The following OXR1 variants were observed in gnomAD, a reference collection of about 807,000 sequenced individuals.
OXR1 encodes oxidation resistance protein 1.
OXR1 carries 41 observed loss-of-function variants against 104.6 expected under a neutral mutation model. That is an observed-to-expected ratio of 0.39 (90% CI 0.31 to 0.51). The LOEUF (loss-of-function observed/expected upper bound fraction) is 0.51. Ranked by LOEUF, OXR1 falls within the 20% of genes least tolerant of loss-of-function variation. The pLI is 0.77. For synonymous variants in OXR1, 348 were observed against 348.4 expected (o/e 1.00, Z 0.01); for missense variants, 955 against 1,031.9 (o/e 0.93, Z 1.02).
intron 3 of OXR1, among the ~76,000 whole-genome samples, chr8:106,559,880 A>G (rs1816554250): frequency 6.6e-6 from 1 of 152,178 alleles, no homozygotes. Flanking sequence ...GGGCACAGAG[A>G]GATGGGTAGC....
At chr8:106,719,712 T>C (rs959184220) in intron 11 of OXR1, among the ~76,000 whole-genome samples, 1 of 152,234 alleles carries the variant, frequency 6.6e-6, no homozygotes, top group Non-Finnish European at 1.5e-5. Context: ...GTTAACATGT[T>C]ATTCTACCAC....
intron 2 of OXR1, among the ~76,000 whole-genome samples, chr8:106,451,996 A>G (rs1820338526): frequency 6.6e-6 from 1 of 152,140 alleles, no homozygotes; most frequent in South Asian, 2.1e-4. Flanking sequence ...GCGGGAGCAT[A>G]TTTGACTAAA....
At chr8:106,618,247 C>A in intron 3 of OXR1, 1 of 1,215,326 alleles carries the variant, frequency 8.2e-7, no homozygotes, top group Non-Finnish European at 1.2e-6. Context: ...ATACAGCGGA[C>A]ATTAAAGGGC....
chr8:106,380,549 A>G (rs1209672539), intron 2 of OXR1, among the ~76,000 whole-genome samples: 3 of 152,176 alleles, frequency 2.0e-5, no homozygotes, highest in Non-Finnish European at 4.4e-5. Context: ...CTTCCAATCT[A>G]TTTTATAAAG....
At chr8:106,634,228 A>G (rs980591695) in intron 3 of OXR1, among the ~76,000 whole-genome samples, 3 of 152,212 alleles carry the variant, frequency 2.0e-5, no homozygotes, top group Non-Finnish European at 4.4e-5. Context: ...AAATCCTCCA[A>G]AAACTAACAA....
At chr8:106,745,291 A>C (rs942815856) in intron 15 of OXR1, among the ~76,000 whole-genome samples, 1 of 152,234 alleles carries the variant, frequency 6.6e-6, no homozygotes, top group African/African-American at 2.4e-5. Context: ...GTTTAAAGAA[A>C]TTGAAACTGA....
At chr8:106,551,589 G>A (rs1195199116) in intron 3 of OXR1, among the ~76,000 whole-genome samples, 2 of 151,878 alleles carry the variant, frequency 1.3e-5, no homozygotes, top group Admixed American at 6.6e-5. Context: ...GAGGATGAGA[G>A]GGACTTCCTG....
chr8:106,698,498 C>A (rs1284905748), intron 7 of OXR1, among the ~76,000 whole-genome samples: 2 of 152,116 alleles, frequency 1.3e-5, no homozygotes, highest in Non-Finnish European at 2.9e-5. Context: ...TCCTCTCTTT[C>A]CTCTTCTTTG....
chr8:106,278,952 G>A (rs1466992546), intron 1 of OXR1, among the ~76,000 whole-genome samples: 1 of 152,106 alleles, frequency 6.6e-6, no homozygotes, highest in African/African-American at 2.4e-5. Flanking sequence ...TCCATATGTA[G>A]TTTCCAACAT....
chr8:106,742,949 G>A (rs1235380729), intron 15 of OXR1, among the ~76,000 whole-genome samples: 1 of 152,042 alleles, frequency 6.6e-6, no homozygotes, highest in East Asian at 1.9e-4. Flanking sequence ...TTGGCAAATG[G>A]GATCTAATTA....
chr8:106,271,270 C>T (rs1028004390), intron 1 of OXR1, among the ~76,000 whole-genome samples: 3 of 146,116 alleles, frequency 2.1e-5, no homozygotes, highest in Non-Finnish European at 4.4e-5. Flanking sequence ...CTTGGACGCA[C>T]CTCGGCTCGC....
At chr8:106,656,532 A>G (rs1825101190) in intron 3 of OXR1, among the ~76,000 whole-genome samples, 1 of 152,238 alleles carries the variant, frequency 6.6e-6, no homozygotes, top group Admixed American at 6.5e-5. Context: ...AAGCACAAAC[A>G]TTCCGTCCAC....
chr8:106,297,601 G>A (rs1028609490), intron 1 of OXR1, among the ~76,000 whole-genome samples: 1 of 152,136 alleles, frequency 6.6e-6, no homozygotes, highest in African/African-American at 2.4e-5. Context: ...CATAGAAAAG[G>A]TATAGTAAAA....
intron 2 of OXR1, among the ~76,000 whole-genome samples, chr8:106,509,281 A>C (rs1436769700): frequency 1.3e-5 from 2 of 152,328 alleles, no homozygotes; most frequent in Non-Finnish European, 2.9e-5. Flanking sequence ...TTTCCAGTTG[A>C]AAGACTTTGA....
chr8:106,474,758 C>G (rs1821711909), intron 2 of OXR1, among the ~76,000 whole-genome samples: 1 of 151,886 alleles, frequency 6.6e-6, no homozygotes, highest in Non-Finnish European at 1.5e-5. Flanking sequence ...AAAGCTTTTC[C>G]AACCCTTGAG....
chr8:106,348,490 T>C (rs1210711946), intron 1 of OXR1, among the ~76,000 whole-genome samples: 1 of 152,184 alleles, frequency 6.6e-6, no homozygotes, highest in Admixed American at 6.5e-5. Context: ...TTTTAAAAAA[T>C]TTAATCTGCT....
chr8:106,292,845 A>G (rs909532132), intron 1 of OXR1, among the ~76,000 whole-genome samples: 1 of 152,206 alleles, frequency 6.6e-6, no homozygotes, highest in African/African-American at 2.4e-5. Flanking sequence ...TGTTTATGTC[A>G]CTGAAGAATG....
chr8:106,578,635 G>A (rs1367601683), intron 3 of OXR1, among the ~76,000 whole-genome samples: 3 of 152,184 alleles, frequency 2.0e-5, no homozygotes, highest in Non-Finnish European at 2.9e-5. Flanking sequence ...TATACTGTGT[G>A]TGTCATTGTA....
chr8:106,299,957 A>T (rs1042150249), intron 1 of OXR1, among the ~76,000 whole-genome samples: 1 of 152,204 alleles, frequency 6.6e-6, no homozygotes, highest in Admixed American at 6.5e-5. Context: ...AGAAAGATTG[A>T]TGGGATTTTG....
Sources: allele counts gnomAD v4.1 joint callset (sites outside exome capture counted in the v4.1 genomes callset), GRCh38; gene constraint gnomAD v4.1.1; transcripts MANE v1.5; gene names NCBI Gene and HGNC (gene_info 2026-07-23, HGNC 2026-07-21).